HYDIN: variants seen among roughly 807,000 people sequenced by gnomAD.
HYDIN encodes the protein HYDIN axonemal central pair apparatus protein.
A neutral mutation model predicts 403.9 loss-of-function variants in HYDIN; 132 were observed. The observed-to-expected ratio is 0.33, with a 90% CI of 0.28 to 0.38. HYDIN has a LOEUF of 0.38. Among genes scored for constraint, HYDIN ranks in the 10% least tolerant of loss-of-function variants. The pLI is 1.00. For synonymous variants in HYDIN, 1,202 were observed against 1,891.7 expected, an observed-to-expected ratio of 0.64 and a Z score of 9.46; for missense variants, 2,827 against 5,009.5, an observed-to-expected ratio of 0.56 and a Z score of 13.15.
Position 70,908,291 on chromosome 16 carries a change from C to T in HYDIN, c.8357G>A (p.Arg2786Gln), listed in dbSNP as rs1211165728. 8 of 1,363,444 alleles carry T rather than the reference C, an allele frequency of 5.9e-6. No individual in the cohort carries two copies. Among genetic ancestry groups the T allele is most frequent in the South Asian group, 2.7e-5 (2 of 74,260 alleles). The allele number at this position is 1,363,444 out of a possible 1,614,324, so 84.5% of individuals were successfully genotyped here. A position where few individuals can be genotyped will look rare whatever the true frequency, so the allele number is the denominator to read the frequency against. ...GTCCQYQLYCRGICTYPYICQ... is the reference protein window; with the variant it reads ...GTCCQYQLYCQGICTYPYICQ... ...AATGTATGGGTAAGTGCAGATGCCT[C>T]GGCAGTAGAGCTGGTACTGGCAGCA... The change falls in exon 49 of 86, where the codon CGA becomes CAA. Residue 2786 changes from arginine to glutamine, a missense_variant. By Grantham distance (43) the Arg-to-Gln change is conservative. Coordinates refer to ENST00000393567, the MANE Select transcript of HYDIN (RefSeq NM_001270974.2).
At chr16:71,075,261 G>C (rs960371420) in intron 13 of HYDIN, among the ~76,000 whole-genome samples, 1 of 151,794 alleles carries the variant, frequency 6.6e-6, no homozygotes, top group Non-Finnish European at 1.5e-5. Flanking sequence ...CAAAAGAAAA[G>C]TAAATTGTTT....
At chr16:71,089,522 C>T (rs188442998) in intron 11 of HYDIN, among the ~76,000 whole-genome samples, 1 of 152,106 alleles carries the variant, frequency 6.6e-6, no homozygotes, top group Non-Finnish European at 1.5e-5. Flanking sequence ...GCAAATGTGA[C>T]GTGTGTCAGG....
chr16:71,012,071 C>T (rs903196188), intron 23 of HYDIN, among the ~76,000 whole-genome samples: 108 of 152,360 alleles, frequency 7.1e-4, no homozygotes, highest in African/African-American at 2.4e-3. Flanking sequence ...GAGATGCCAG[C>T]CAAGCCAGAG....
Position 70,934,119 on chromosome 16 carries a change from C to T in HYDIN, c.7158+1833G>A, listed in dbSNP as rs1232971438. On this transcript the variant is annotated intron_variant, in intron 45 of 85. Coordinates refer to ENST00000393567, the MANE Select transcript of HYDIN (RefSeq NM_001270974.2). ...ACAGTGTGAAGCTCATGGAGGAGGA[C>T]GTCAAGCAAGTCAAGGCCTAACCCA... 8.6e-5 allele frequency among the ~76,000 whole-genome samples: 13 copies of T among 151,996 alleles called. No homozygotes were observed. In the East Asian group the frequency reaches 9.7e-4, roughly 11 times the overall value.
At chr16:71,188,589 T>C (rs150709869) in intron 1 of HYDIN, among the ~76,000 whole-genome samples, 1 of 152,314 alleles carries the variant, frequency 6.6e-6, no homozygotes, top group African/African-American at 2.4e-5. Flanking sequence ...TTATTATCTA[T>C]GCACCAAAAT....
chr16:71,150,573 T>TA (rs1265639085), intron 7 of HYDIN, among the ~76,000 whole-genome samples: 2 of 150,932 alleles, frequency 1.3e-5, no homozygotes, highest in African/African-American at 4.9e-5. Flanking sequence ...GGCATTAACC[T>TA]AAAGACAGGA....
intron 13 of HYDIN, among the ~76,000 whole-genome samples, chr16:71,070,024 C>G (rs2144306207): frequency 6.6e-6 from 1 of 152,316 alleles, no homozygotes; most frequent in Non-Finnish European, 1.5e-5. Context: ...CTGGGTATCA[C>G]GCTCTTAGGG....
chr16:71,157,933 C>T (rs2085840602), intron 6 of HYDIN, among the ~76,000 whole-genome samples: 1 of 146,846 alleles, frequency 6.8e-6, no homozygotes, highest in Admixed American at 6.8e-5. Flanking sequence ...GCAGGCCAGC[C>T]TGACAGTGGC....
intron 30 of HYDIN, 103 bp downstream of exon 30, chr16:70,978,811 C>A: frequency 8.2e-6 from 7 of 853,758 alleles, no homozygotes; most frequent in Middle Eastern, 3.0e-4. Context: ...TGCACACACA[C>A]CCCACACACT....
chr16:70,864,285 C>T (rs533336664), intron 67 of HYDIN, among the ~76,000 whole-genome samples: 11 of 82,078 alleles, frequency 1.3e-4, no homozygotes, highest in Non-Finnish European at 1.7e-4. Context: ...GAGCTGAGAT[C>T]GCACCATTGC....
intron 50 of HYDIN, among the ~76,000 whole-genome samples, chr16:70,905,850 T>A (rs2076521630): frequency 1.3e-5 from 2 of 151,930 alleles, no homozygotes; most frequent in South Asian, 4.2e-4. Context: ...CTGTACCTCA[T>A]GTCCATCAAC....
chr16:71,197,294 T>C (rs1012647559), intron 1 of HYDIN, among the ~76,000 whole-genome samples: 1 of 152,200 alleles, frequency 6.6e-6, no homozygotes, highest in Admixed American at 6.5e-5. Context: ...TAATTCTAAA[T>C]AAAAACATAT....
chr16:70,947,899 T>C (rs2143905855), intron 41 of HYDIN, among the ~76,000 whole-genome samples: 2 of 146,964 alleles, frequency 1.4e-5, no homozygotes, highest in African/African-American at 2.5e-5. Context: ...ATTTATAGAT[T>C]CAATGCCATC....
intron 18 of HYDIN, among the ~76,000 whole-genome samples, chr16:71,053,406 A>G (rs111419246): frequency 6.6e-6 from 1 of 152,252 alleles, no homozygotes; most frequent in African/African-American, 2.4e-5. Flanking sequence ...CAGCATTGTT[A>G]TAATAACCCA....
At position 70,860,189 on chromosome 16, in the gene HYDIN, T is replaced by G. The variant is rs745387581; in HGVS notation, c.12008A>C (p.Asn4003Thr). The G allele has an allele frequency of 4.3e-6, 7 of 1,613,990 alleles. No individual in the cohort carries two copies. The highest frequency in any genetic ancestry group is 1.3e-5 in the African/African-American group (1 of 75,026). ...GAAGGAGTAGGTGCTATTGGTTGGG[T>G]TTAGGATGGTAAAGGTCCTGGCCAG... ...GKNLRTFTILNPTNSTYSFCW... is the reference protein window; with the variant it reads ...GKNLRTFTILTPTNSTYSFCW... Residue 4003 changes from asparagine to threonine, a missense_variant, in exon 71 of 86, where the codon AAC becomes ACC. Physicochemically the swap from Asn to Thr is moderately conservative, Grantham distance 65. Transcript: ENST00000393567.
At chr16:70,979,730 A>G (rs1426413248) in intron 29 of HYDIN, among the ~76,000 whole-genome samples, 2 of 152,166 alleles carry the variant, frequency 1.3e-5, no homozygotes, top group Non-Finnish European at 2.9e-5. Flanking sequence ...TCAGGAGTTC[A>G]AGACCAGCCT....
rs756240814 is a variant in HYDIN at position 70,837,720 on chromosome 16, G to A, written c.13212C>T (p.Val4404=). 2.2e-5 allele frequency: 35 copies of A among 1,613,720 alleles called. No homozygotes were observed. Among genetic ancestry groups the A allele is most frequent in the Non-Finnish European group, 2.7e-5 (32 of 1,179,844 alleles). Residue 4404 remains valine, a synonymous_variant, in exon 77 of 86, where the codon GTC becomes GTT. Coordinates refer to ENST00000393567, the MANE Select transcript of HYDIN (RefSeq NM_001270974.2). The part of the protein sequence containing the change: ...FEINGLSQQT[V]EIKGKGTKMK... ...TTTTGGTACCCTTCCCTTTGATTTC[G>A]ACTGTTTGTTGTGAGAGCCCATTGA...
intron 78 of HYDIN, among the ~76,000 whole-genome samples, chr16:70,834,506 A>G (rs1427386907): frequency 6.6e-6 from 1 of 151,988 alleles, no homozygotes; most frequent in Non-Finnish European, 1.5e-5. Context: ...GAGCTCTGGC[A>G]CTTCTCAAGG....
chr16:71,131,988 C>T (rs1250018979), intron 8 of HYDIN: 1 of 151,244 alleles, frequency 6.6e-6, no homozygotes, highest in Non-Finnish European at 1.5e-5. Flanking sequence ...GTAACATATA[C>T]AATAATCCCA....
Sources: gnomAD v4.1 joint callset for allele counts (sites outside exome capture counted in the v4.1 genomes callset) on GRCh38, gnomAD v4.1.1 for gene constraint, MANE v1.5 for transcripts, NCBI Gene and HGNC (gene_info 2026-07-23, HGNC 2026-07-21) for gene names.